Variants in PTPDC1 observed in about 807,000 individuals in gnomAD.
The protein encoded by PTPDC1 is protein tyrosine phosphatase domain-containing protein 1.
In PTPDC1, 53 loss-of-function variants were observed where a neutral mutation model predicts 75.3. The ratio of observed to expected loss-of-function variants is 0.70; its 90% CI spans 0.56 to 0.88. The LOEUF (loss-of-function observed/expected upper bound fraction) is 0.88. Ranked by LOEUF, PTPDC1 falls within the 40% of genes least tolerant of loss-of-function variation. The pLI, the probability that PTPDC1 is intolerant of heterozygous loss-of-function variation, is 0.00. For missense variants in PTPDC1, 925 were observed against 998.6 expected, an observed-to-expected ratio of 0.93 and a Z score of 0.99; for synonymous variants, 349 against 366.2, an observed-to-expected ratio of 0.95 and a Z score of 0.54.
At chr9:94,062,586 C>A (rs952137810) in intron 1 of PTPDC1, among the ~76,000 whole-genome samples, 1 of 152,132 alleles carries the variant, frequency 6.6e-6, no homozygotes, top group Admixed American at 6.5e-5. Flanking sequence ...TTTGGGGAGG[C>A]CTCATGGTGG....
chr9:94,067,668 C>A (rs553393111), intron 2 of PTPDC1, among the ~76,000 whole-genome samples: 13 of 152,256 alleles, frequency 8.5e-5, no homozygotes, highest in Non-Finnish European at 1.9e-4. Flanking sequence ...GTGGCACCAT[C>A]TCAGCTCCCT....
chr9:94,088,520 G>A (rs1827157512), intron 4 of PTPDC1, among the ~76,000 whole-genome samples: 1 of 152,174 alleles, frequency 6.6e-6, no homozygotes, highest in South Asian at 2.1e-4. Flanking sequence ...CAGTGTGCCA[G>A]TCACTATTAT....
chr9:94,061,193 C>A (rs894994131), intron 1 of PTPDC1, among the ~76,000 whole-genome samples: 2 of 152,204 alleles, frequency 1.3e-5, no homozygotes, highest in Admixed American at 6.5e-5. Context: ...TGAGACCCAG[C>A]AGGGCACTCA....
chr9:94,056,320 A>G (rs1027359198), intron 1 of PTPDC1, among the ~76,000 whole-genome samples: 4 of 151,690 alleles, frequency 2.6e-5, no homozygotes, highest in Admixed American at 6.6e-5. Flanking sequence ...TTCCACTCCT[A>G]TTTTTTGCTA....
intron 1 of PTPDC1, among the ~76,000 whole-genome samples, chr9:94,051,854 T>C (rs1943284823): frequency 6.6e-6 from 1 of 152,184 alleles, no homozygotes; most frequent in Non-Finnish European, 1.5e-5. Flanking sequence ...GTCTTCACTT[T>C]TTATTTTTTC....
Position 94,109,155 on chromosome 9 carries a change from A to G in PTPDC1, c.*1211A>G, listed in dbSNP as rs921113641. 1 of 152,248 alleles carries G rather than the reference A, an allele frequency of 6.6e-6. No homozygotes were observed. The highest frequency in any genetic ancestry group is 2.4e-5 in the African/African-American group (1 of 41,470). 9.4% of individuals were successfully genotyped at this position (152,248 alleles called of 1,614,324 possible). A position where few individuals can be genotyped will look rare whatever the true frequency, so the allele number is the denominator to read the frequency against. On this transcript the variant is annotated 3_prime_UTR_variant, in exon 9 of 9. Coordinates refer to ENST00000620992, the MANE Select transcript of PTPDC1 (RefSeq NM_001253829.2). ...TAGTTCCTTGTAAGCTGAACCATCA[A>G]TTATCAGTTGAAGCCATACTTTTAT...
Position 94,085,545 on chromosome 9 carries a change from C to G in PTPDC1, c.416+123C>G, listed in dbSNP as rs1827042869. ...CTTTGAAGTCAGGACCTCACTTTGC[C>G]AGTCAGTTCTGGCTTTGCCTTAGCT... On this transcript the variant is annotated intron_variant, in intron 2 of 8. Coordinates refer to ENST00000620992, the MANE Select transcript of PTPDC1 (RefSeq NM_001253829.2). The G allele has an allele frequency of 4.0e-5, 40 of 1,009,408 alleles. No individual in the cohort carries two copies. In the South Asian group the frequency reaches 6.8e-4, roughly 17 times the overall value. The allele number at this position is 1,009,408 out of a possible 1,614,324, so 62.5% of individuals were successfully genotyped here. A position where few individuals can be genotyped will look rare whatever the true frequency, so the allele number is the denominator to read the frequency against.
intron 1 of PTPDC1, chr9:94,038,158 G>C: frequency 1.5e-6 from 1 of 648,056 alleles, no homozygotes; most frequent in Non-Finnish European, 2.9e-6. Flanking sequence ...AGACAGGTCA[G>C]GCCGTTGGAT....
At chr9:94,087,725 G>T (rs1587889624) in intron 2 of PTPDC1, 106 bp from the exon 3 acceptor site, 2 of 731,634 alleles carry the variant, frequency 2.7e-6, no homozygotes, top group African/African-American at 3.5e-5. Flanking sequence ...TTCTAACAGA[G>T]TTGTTGAAAT....
intron 8 of PTPDC1, 103 bp from the exon 9 acceptor site, chr9:94,107,725 G>T: frequency 1.8e-6 from 1 of 548,278 alleles, no homozygotes. Flanking sequence ...ATAGAGTTTT[G>T]TTTGTAAGTC....
chr9:94,071,272 C>G (rs1402446383), intron 2 of PTPDC1, among the ~76,000 whole-genome samples: 1 of 151,990 alleles, frequency 6.6e-6, no homozygotes, highest in African/African-American at 2.4e-5. Context: ...ATGATGATAA[C>G]CTCTTTTCAT....
At chr9:94,102,608 T>C (rs1449850079) in intron 7 of PTPDC1, among the ~76,000 whole-genome samples, 2 of 152,154 alleles carry the variant, frequency 1.3e-5, no homozygotes, top group African/African-American at 4.8e-5. Context: ...AGACATAGTT[T>C]TGCTCTTGTT....
Position 94,037,319 on chromosome 9 carries a change from TTG to T in PTPDC1, c.-7+6194_-7+6195del, listed in dbSNP as rs1043223601. Among the ~76,000 whole-genome samples, 8 of 152,230 alleles carry T rather than the reference TTG, an allele frequency of 5.3e-5. No individual in the cohort carries two copies. In the South Asian group the frequency reaches 6.2e-4, roughly 12 times the overall value. ...GTTTCCCAAGAAGTTTGCAGTATAA[TTG>T]TCTTTTAAAAATAACATTGTTTTCT... On this transcript the variant is annotated intron_variant, in intron 1 of 9. Coordinates refer to the PTPDC1 transcript ENST00000375360.
intron 7 of PTPDC1, 151 bp downstream of exon 7, chr9:94,101,902 T>G (rs1303106269): frequency 9.4e-6 from 5 of 529,878 alleles, no homozygotes; most frequent in African/African-American, 1.9e-5. Flanking sequence ...GAGAAGAAAC[T>G]GATACCCAGT....
At chr9:94,101,281 G>T (rs555789189) in intron 6 of PTPDC1, 27 of 274,934 alleles carry the variant, frequency 9.8e-5, no homozygotes, top group Middle Eastern at 1.0e-3. Flanking sequence ...CCCTTTCCCT[G>T]TGCTATAAGC....
chr9:94,037,430 G>A (rs1023410351), intron 1 of PTPDC1, among the ~76,000 whole-genome samples: 1 of 151,946 alleles, frequency 6.6e-6, no homozygotes. Context: ...TAATATTTTA[G>A]TTTATATTTT....
intron 1 of PTPDC1, among the ~76,000 whole-genome samples, chr9:94,051,270 G>A (rs1195984260): frequency 4.6e-5 from 7 of 152,166 alleles, no homozygotes; most frequent in Non-Finnish European, 8.8e-5. Context: ...TACCTCAGTT[G>A]GAAATGCAGA....
In PTPDC1 at chr9:94,055,178, TG is replaced by T. The variant is rs556100142; in HGVS notation, c.-6-9554del. On this transcript the variant is annotated intron_variant, in intron 1 of 9. Coordinates refer to the PTPDC1 transcript ENST00000375360. ...GTGTAGTCCTTAACAGCACAAACTCTGGAGCTGAACTGTGGGAATTCAAATT... is the reference window on the plus strand; with the variant it reads ...GTGTAGTCCTTAACAGCACAAACTCTGAGCTGAACTGTGGGAATTCAAATT... 3.0e-4 allele frequency among the ~76,000 whole-genome samples: 46 copies of T among 152,342 alleles called. 3 individuals are homozygous for T. In the South Asian group the frequency reaches 9.1e-3, roughly 30 times the overall value.
At chr9:94,093,241 T>C (rs200034591) in intron 4 of PTPDC1, among the ~76,000 whole-genome samples, 7,380 of 151,222 alleles carry the variant, frequency 0.049, 254 homozygotes, top group East Asian at 0.15. Context: ...CCTTTCCATG[T>C]TTAGTGCTTC....
Sources: allele counts gnomAD v4.1 joint callset (sites outside exome capture counted in the v4.1 genomes callset), GRCh38; gene constraint gnomAD v4.1.1; transcripts MANE v1.5; gene names NCBI Gene and HGNC (gene_info 2026-07-23, HGNC 2026-07-21).